The following ZNF717 variants were observed in gnomAD, a reference collection of about 807,000 sequenced individuals.
ZNF717 encodes zinc finger protein 717.
ZNF717 carries 9 observed loss-of-function variants against 13.8 expected under a neutral mutation model. The observed-to-expected ratio is 0.65, with a 90% CI of 0.39 to 1.14. The LOEUF is 1.14. Among genes scored for constraint, ZNF717 ranks in the 50% most tolerant of loss-of-function variants. ZNF717 has a pLI of 0.01. For missense variants in ZNF717, 1,040 were observed against 1,080.7 expected, an observed-to-expected ratio of 0.96 and a Z score of 0.53; for synonymous variants, 327 against 364.1, an observed-to-expected ratio of 0.90 and a Z score of 1.16.
At chr3:75,711,592 T>C (rs1937939316) in intron 5 of ZNF717, among the ~76,000 whole-genome samples, 1 of 152,092 alleles carries the variant, frequency 6.6e-6, no homozygotes, top group Non-Finnish European at 1.5e-5. Context: ...ACTTGGGAGT[T>C]TGAGATCAGC....
chr3:75,766,403 G>C (rs1210291364), intron 2 of ZNF717, among the ~76,000 whole-genome samples: 2 of 144,458 alleles, frequency 1.4e-5, no homozygotes, highest in South Asian at 2.2e-4. Context: ...GATGAAAGAG[G>C]CTTCAAAACA....
intron 2 of ZNF717, 57 bp downstream of exon 2, chr3:75,783,249 C>A: frequency 7.7e-7 from 1 of 1,297,460 alleles, no homozygotes. Context: ...TTCACAGACA[C>A]CCATAAACTC....
chr3:75,699,544 GTA>G (rs1221375672), intron 6 of ZNF717, among the ~76,000 whole-genome samples: 1 of 152,286 alleles, frequency 6.6e-6, no homozygotes, highest in Admixed American at 6.5e-5. Context: ...ACAAGTGTGT[GTA>G]GCACCTCCCC....
At chr3:75,700,527 G>GT (rs1174094357) in intron 6 of ZNF717, among the ~76,000 whole-genome samples, 3 of 152,268 alleles carry the variant, frequency 2.0e-5, no homozygotes, top group Non-Finnish European at 4.4e-5. Context: ...CCATTACCTG[G>GT]TTTTAAATTA....
intron 6 of ZNF717, among the ~76,000 whole-genome samples, chr3:75,698,324 A>C (rs77488837): frequency 6.6e-6 from 1 of 152,272 alleles, no homozygotes; most frequent in Admixed American, 6.5e-5. Context: ...TAAAAAAAAA[A>C]GCAAGTGTTG....
At chr3:75,696,158 G>A (rs1188896647) in intron 6 of ZNF717, among the ~76,000 whole-genome samples, 3 of 152,214 alleles carry the variant, frequency 2.0e-5, no homozygotes, top group Non-Finnish European at 1.5e-5. Context: ...GAAAATCAAA[G>A]GATCATTAGT....
At chr3:75,765,193 A>G (rs950179973) in intron 2 of ZNF717, among the ~76,000 whole-genome samples, 4 of 151,868 alleles carry the variant, frequency 2.6e-5, no homozygotes, top group African/African-American at 9.7e-5. Context: ...TTTTAGAAAC[A>G]CAAAGTAGAA....
chr3:75,732,677 G>A (rs1938676965), downstream of ZNF717, among the ~76,000 whole-genome samples: 1 of 152,224 alleles, frequency 6.6e-6, no homozygotes, highest in African/African-American at 2.4e-5. Context: ...CCTCTAAATT[G>A]AGCAATAAAT....
intron 2 of ZNF717, among the ~76,000 whole-genome samples, chr3:75,745,069 G>A (rs1940994645): frequency 6.6e-6 from 1 of 151,674 alleles, no homozygotes; most frequent in South Asian, 2.1e-4. Flanking sequence ...CCTGAGGTCT[G>A]AATGTTTCTC....
rs1223634779 is a variant in ZNF717, at chr3:75,744,465, C to T, written c.58-2729G>A. Among the ~76,000 whole-genome samples, 87 of 152,344 alleles carry T rather than the reference C, an allele frequency of 5.7e-4. No homozygotes were observed. In the South Asian group the frequency reaches 0.016, roughly 27 times the overall value. ...GGGGAGGACACAGGGCAAACCACTG[C>T]CCCCAGGATTGCAGAGACAGAGAAG... On this transcript the variant is annotated intron_variant, in intron 2 of 4. Coordinates refer to ENST00000652011, the MANE Select transcript of ZNF717 (RefSeq NM_001290208.3).
At chr3:75,718,267 C>T (rs1938097180) in intron 4 of ZNF717, among the ~76,000 whole-genome samples, 1 of 152,124 alleles carries the variant, frequency 6.6e-6, no homozygotes, top group Admixed American at 6.5e-5. Flanking sequence ...GGATACACAA[C>T]CTTAGGTAAG....
chr3:75,749,509 G>C (rs1194671540), intron 2 of ZNF717, among the ~76,000 whole-genome samples: 4 of 151,662 alleles, frequency 2.6e-5, no homozygotes, highest in Admixed American at 2.6e-4. Flanking sequence ...CCCTCACATA[G>C]GACTCCACAA....
downstream of ZNF717, among the ~76,000 whole-genome samples, chr3:75,733,898 C>T (rs76296271): frequency 1.4e-5 from 2 of 144,156 alleles, no homozygotes; most frequent in Admixed American, 1.4e-4. Context: ...ACTAAGATTT[C>T]AGTGCCCTGT....
chr3:75,734,817 AT>A (rs545474632), downstream of ZNF717, among the ~76,000 whole-genome samples: 154 of 57,380 alleles, frequency 2.7e-3, no homozygotes, highest in Middle Eastern at 0.015. Flanking sequence ...ATATATATAT[AT>A]TTTTTTTTTT....
chr3:75,720,251 A>C (rs1179974512), intron 4 of ZNF717, among the ~76,000 whole-genome samples: 1 of 152,200 alleles, frequency 6.6e-6, no homozygotes, highest in East Asian at 1.9e-4. Flanking sequence ...CACATCAATG[A>C]TGAACAGGAC....
chr3:75,780,712 T>A (rs1279519238), intron 2 of ZNF717, among the ~76,000 whole-genome samples: 1 of 152,242 alleles, frequency 6.6e-6, no homozygotes, highest in African/African-American at 2.4e-5. Flanking sequence ...AAGGAGGAAT[T>A]TTTTAAGCAA....
At chr3:75,716,310 A>C (rs1186301923) in intron 5 of ZNF717, 3 of 152,076 alleles carry the variant, frequency 2.0e-5, no homozygotes, top group African/African-American at 7.2e-5. Context: ...ATGCAGACCA[A>C]TTTGAAAGTA....
chr3:75,768,160 G>C (rs1464418189), intron 2 of ZNF717, among the ~76,000 whole-genome samples: 2 of 152,238 alleles, frequency 1.3e-5, no homozygotes, highest in Admixed American at 1.3e-4. Context: ...CTGCAGGGCA[G>C]CACCTACCTC....
intron 2 of ZNF717, among the ~76,000 whole-genome samples, chr3:75,754,389 C>A (rs75181924): frequency 3.1e-4 from 38 of 123,000 alleles, no homozygotes; most frequent in South Asian, 5.5e-4. Flanking sequence ...AGCAACAGAG[C>A]AAGCTTCAGA....
Sources: allele counts gnomAD v4.1 joint callset (sites outside exome capture counted in the v4.1 genomes callset), GRCh38; gene constraint gnomAD v4.1.1; transcripts MANE v1.5; gene names NCBI Gene and HGNC (gene_info 2026-07-23, HGNC 2026-07-21).